The following PID1 variants were observed in gnomAD, a reference collection of about 807,000 sequenced individuals.
PID1 encodes phosphotyrosine interaction domain containing 1, also known as PTB-containing, cubilin and LRP1-interacting protein.
In PID1, 10 loss-of-function variants were observed where a neutral mutation model predicts 19.1. The ratio of observed to expected loss-of-function variants is 0.52; its 90% confidence interval spans 0.32 to 0.89. The LOEUF (loss-of-function observed/expected upper bound fraction) is 0.89. PID1 is among the 40% of genes least tolerant of loss of function. The pLI is 0.03. For synonymous variants in PID1, 130 were observed against 116.0 expected (o/e 1.12, Z -0.78); for missense variants, 248 against 285.3 (o/e 0.87, Z 0.94).
chr2:229,093,562 T>A lies in PID1; in HGVS notation c.177+62256A>T, dbSNP rs149208210. Among the ~76,000 whole-genome samples, 409 of 152,302 alleles carry A rather than the reference T, an allele frequency of 2.7e-3. 2 individuals carry two copies. Among genetic ancestry groups the A allele is most frequent in the African/African-American group, 9.5e-3 (396 of 41,568 alleles). On this transcript the variant is annotated intron_variant, in intron 2 of 2. Transcript: ENST00000392055. ...CAGAGTTCAGCTGGGAGTCTGCAGA[T>A]CTTGGTTGAGCTTATCCATGTATGT...
intron 1 of PID1, among the ~76,000 whole-genome samples, chr2:229,230,672 C>A (rs1692186906): frequency 6.6e-6 from 1 of 152,168 alleles, no homozygotes; most frequent in Non-Finnish European, 1.5e-5. Context: ...GCTTGTGAAG[C>A]TTTGTCTGAG....
intron 1 of PID1, among the ~76,000 whole-genome samples, chr2:229,199,655 T>TA (rs1691450523): frequency 6.6e-6 from 1 of 150,930 alleles, no homozygotes; most frequent in African/African-American, 2.4e-5. Context: ...TGATTGCATT[T>TA]AAAGGAAGCT....
At chr2:229,031,988 T>C (rs1333463930) in intron 2 of PID1, among the ~76,000 whole-genome samples, 2 of 152,148 alleles carry the variant, frequency 1.3e-5, no homozygotes, top group Non-Finnish European at 2.9e-5. Context: ...TTGTATACGG[T>C]TTAATAGAAA....
chr2:229,070,386 G>A (rs551507720), intron 2 of PID1, among the ~76,000 whole-genome samples: 1 of 152,276 alleles, frequency 6.6e-6, no homozygotes, highest in East Asian at 1.9e-4. Context: ...AAAGGCTCTT[G>A]AGGGGATTAA....
At chr2:229,189,530 A>C (rs902654442) in intron 1 of PID1, among the ~76,000 whole-genome samples, 1 of 152,204 alleles carries the variant, frequency 6.6e-6, no homozygotes, top group Non-Finnish European at 1.5e-5. Context: ...CCCCATCTCT[A>C]CTAAAAACAC....
intron 1 of PID1, among the ~76,000 whole-genome samples, chr2:229,236,848 CT>C (rs1180289206): frequency 6.6e-6 from 1 of 152,024 alleles, no homozygotes; most frequent in East Asian, 1.9e-4. Context: ...CACAATACCT[CT>C]TTATATATTA....
At chr2:229,204,984 T>G (rs1691578724) in intron 1 of PID1, among the ~76,000 whole-genome samples, 1 of 152,120 alleles carries the variant, frequency 6.6e-6, no homozygotes, top group African/African-American at 2.4e-5. Flanking sequence ...ACCTTTTGGA[T>G]GAAATTCAAG....
At chr2:229,086,194 T>C (rs1189271075) in intron 2 of PID1, among the ~76,000 whole-genome samples, 1 of 152,136 alleles carries the variant, frequency 6.6e-6, no homozygotes, top group Non-Finnish European at 1.5e-5. Context: ...CAACTTATGA[T>C]GCGGTTACAT....
chr2:229,191,054 AC>A, intron 1 of PID1, among the ~76,000 whole-genome samples: 1 of 152,272 alleles, frequency 6.6e-6, no homozygotes, highest in African/African-American at 2.4e-5. Flanking sequence ...AACAATGAAA[AC>A]AAAAGATTGG....
At position 229,254,546 on chromosome 2, in the gene PID1, T is replaced by A. The variant is rs538073150; in HGVS notation, c.30+16468A>T. ...GCCATGAAGGTTAAGTAACTAATCA[T>A]GTTTCTCTTTTTCCTCGGGCTGCTA... On this transcript the variant is annotated intron_variant, in intron 1 of 2. Transcript: ENST00000392055. Among the ~76,000 whole-genome samples, 65 of 152,298 alleles carry A rather than the reference T, an allele frequency of 4.3e-4. No individual in the cohort carries two copies. In the South Asian group the frequency reaches 7.3e-3, roughly 17 times the overall value.
chr2:229,036,108 T>C (rs1352437076), intron 2 of PID1, among the ~76,000 whole-genome samples: 3 of 152,204 alleles, frequency 2.0e-5, no homozygotes, highest in South Asian at 4.1e-4. Context: ...CTCTCGTGCA[T>C]TGTATATCAA....
At chr2:229,111,397 C>T (rs754331720) in intron 2 of PID1, among the ~76,000 whole-genome samples, 1 of 152,090 alleles carries the variant, frequency 6.6e-6, no homozygotes, top group African/African-American at 2.4e-5. Flanking sequence ...ACTATTACAT[C>T]GATTAGACTG....
At chr2:229,100,948 C>T (rs1479589154) in intron 2 of PID1, among the ~76,000 whole-genome samples, 2 of 152,240 alleles carry the variant, frequency 1.3e-5, no homozygotes, top group Non-Finnish European at 2.9e-5. Flanking sequence ...GAACTATCCA[C>T]ACTTCTCAGC....
At chr2:229,129,323 A>G (rs1574651758) in intron 2 of PID1, among the ~76,000 whole-genome samples, 1 of 151,726 alleles carries the variant, frequency 6.6e-6, no homozygotes, top group African/African-American at 2.4e-5. Flanking sequence ...CTGAGGCAGG[A>G]GAATGGCATG....
chr2:229,194,570 AT>A (rs2106234584), intron 1 of PID1, among the ~76,000 whole-genome samples: 1 of 152,184 alleles, frequency 6.6e-6, no homozygotes, highest in Non-Finnish European at 1.5e-5. Flanking sequence ...ATATTTCCAG[AT>A]CAAATTTAGA....
intron 1 of PID1, among the ~76,000 whole-genome samples, chr2:229,228,596 T>C (rs760638378): frequency 6.6e-6 from 1 of 152,180 alleles, no homozygotes; most frequent in Non-Finnish European, 1.5e-5. Flanking sequence ...TGGATGTGAG[T>C]GTATGGATAA....
rs142605695 is a variant in PID1, at chr2:229,025,697, C to T, written c.589G>A (p.Gly197Arg). The change falls in exon 3 of 3, where the codon GGG becomes AGG. Residue 197 changes from glycine (G) to arginine (R), a missense_variant. Coordinates refer to ENST00000392055, the MANE Select transcript of PID1 (RefSeq NM_001100818.2). ...GAGGAGCTGTTGCTGTGGATCCGCC[C>T]GTCGCTCTTCATACTGTGGAAAGTC... ...RKTFHSMKSD[G>R]RIHSNSSSEE... 9 of 1,614,172 alleles carry T rather than the reference C, an allele frequency of 5.6e-6. No homozygotes were observed. Among genetic ancestry groups the T allele is most frequent in the East Asian group, 2.2e-5 (1 of 44,864 alleles).
intron 1 of PID1, among the ~76,000 whole-genome samples, chr2:229,181,918 C>T (rs1320102493): frequency 1.3e-5 from 2 of 152,136 alleles, no homozygotes; most frequent in Non-Finnish European, 2.9e-5. Flanking sequence ...ATGTATATTA[C>T]TAAGTGAAAT....
At chr2:229,088,056 A>G (rs1694804091) in intron 2 of PID1, among the ~76,000 whole-genome samples, 1 of 152,182 alleles carries the variant, frequency 6.6e-6, no homozygotes, top group African/African-American at 2.4e-5. Flanking sequence ...GTGGTCTCTA[A>G]GAGCTGCCAG....
Sources: gnomAD v4.1 joint callset for allele counts (sites outside exome capture counted in the v4.1 genomes callset) on GRCh38, gnomAD v4.1.1 for gene constraint, MANE v1.5 for transcripts, NCBI Gene and HGNC (gene_info 2026-07-23, HGNC 2026-07-21) for gene names.